Variants in CLASP1 observed in about 807,000 individuals in gnomAD.
CLASP1 encodes the protein cytoplasmic linker associated protein 1.
CLASP1 carries 38 observed loss-of-function variants against 192.3 expected under a neutral mutation model. The ratio of observed to expected loss-of-function variants is 0.20; its 90% CI spans 0.15 to 0.26. The LOEUF (loss-of-function observed/expected upper bound fraction) is 0.26, where lower values mean the gene tolerates loss of function less well. Among genes scored for constraint, CLASP1 ranks in the 10% least tolerant of loss-of-function variants. The pLI is 1.00. For missense variants in CLASP1, 1,433 were observed against 1,932.5 expected, an observed-to-expected ratio of 0.74 and a Z score of 4.85; for synonymous variants, 691 against 712.8, an observed-to-expected ratio of 0.97 and a Z score of 0.49.
At chr2:121,531,299 A>G (rs2094861901) in intron 2 of CLASP1, among the ~76,000 whole-genome samples, 1 of 152,202 alleles carries the variant, frequency 6.6e-6, no homozygotes, top group African/African-American at 2.4e-5. Flanking sequence ...TGCACCTCAC[A>G]TAAAATGTAA....
intron 15 of CLASP1, among the ~76,000 whole-genome samples, chr2:121,451,272 A>AT (rs1213675085): frequency 6.6e-6 from 1 of 152,228 alleles, no homozygotes; most frequent in African/African-American, 2.4e-5. Flanking sequence ...ACACAAGCTG[A>AT]TTTTTTAAAA....
At chr2:121,624,916 G>A (rs2068035967) in intron 1 of CLASP1, among the ~76,000 whole-genome samples, 1 of 151,986 alleles carries the variant, frequency 6.6e-6, no homozygotes, top group South Asian at 2.1e-4. Context: ...CTTTCTCTTT[G>A]AATCATTGGT....
At chr2:121,610,908 A>G (rs566941698) in intron 1 of CLASP1, among the ~76,000 whole-genome samples, 11 of 125,916 alleles carry the variant, frequency 8.7e-5, no homozygotes, top group African/African-American at 2.9e-4. Context: ...TACAGGAGGA[A>G]GAGGAACTGG....
chr2:121,531,072 T>C (rs1003544139), intron 2 of CLASP1: 38 of 690,632 alleles, frequency 5.5e-5, no homozygotes, highest in Non-Finnish European at 8.5e-5. Flanking sequence ...AACTAGTACT[T>C]TGTGGTTAAA....
At chr2:121,397,152 T>C (rs1321697996) in exon 30 of CLASP1, 1 of 1,613,914 alleles carries the variant, frequency 6.2e-7, no homozygotes, top group Non-Finnish European at 8.5e-7. Flanking sequence ...TTCTCACGTC[T>C]GAACTCTTTG....
At chr2:121,622,063 C>G (rs997700016) in intron 1 of CLASP1, among the ~76,000 whole-genome samples, 1 of 151,516 alleles carries the variant, frequency 6.6e-6, no homozygotes, top group Non-Finnish European at 1.5e-5. Flanking sequence ...GTTGTTCAGG[C>G]TGGTCTCAAA....
intron 19 of CLASP1, among the ~76,000 whole-genome samples, chr2:121,439,615 T>C (rs974999612): frequency 6.6e-6 from 1 of 152,158 alleles, no homozygotes; most frequent in Non-Finnish European, 1.5e-5. Context: ...GTTGTTCAGT[T>C]TCCATATAGT....
intron 11 of CLASP1, 29 bp from the exon 12 acceptor site, chr2:121,460,154 T>G: frequency 1.9e-6 from 3 of 1,578,524 alleles, no homozygotes; most frequent in Non-Finnish European, 2.6e-6. Flanking sequence ...TTCAGAAAAA[T>G]AGAAAACAAT....
chr2:121,383,111 G>C (rs1424663314), intron 32 of CLASP1, among the ~76,000 whole-genome samples: 3 of 152,206 alleles, frequency 2.0e-5, no homozygotes, highest in African/African-American at 4.8e-5. Flanking sequence ...AACAACTGTT[G>C]CAATTCAAAA....
intron 22 of CLASP1, among the ~76,000 whole-genome samples, chr2:121,419,595 T>C (rs1444759067): frequency 6.6e-6 from 1 of 150,758 alleles, no homozygotes; most frequent in African/African-American, 2.4e-5. Context: ...AGTTAATCAT[T>C]CTCATGTTAT....
intron 39 of CLASP1, among the ~76,000 whole-genome samples, chr2:121,344,736 T>C (rs1425969968): frequency 1.3e-5 from 2 of 152,094 alleles, no homozygotes; most frequent in African/African-American, 2.4e-5. Flanking sequence ...GTCAAGGAAA[T>C]TGAGACAGAC....
intron 28 of CLASP1, among the ~76,000 whole-genome samples, chr2:121,399,841 T>C (rs2075880868): frequency 6.6e-6 from 1 of 152,188 alleles, no homozygotes; most frequent in Admixed American, 6.5e-5. Context: ...TCACCTAAAT[T>C]AAGCGACCTA....
At chr2:121,439,008 T>G (rs1488978023) in intron 19 of CLASP1, among the ~76,000 whole-genome samples, 2 of 149,988 alleles carry the variant, frequency 1.3e-5, no homozygotes, top group Non-Finnish European at 1.5e-5. Context: ...CAATTTCAGC[T>G]CCTGTTATTG....
intron 2 of CLASP1, among the ~76,000 whole-genome samples, chr2:121,538,890 A>G (rs2095163597): frequency 6.6e-6 from 1 of 152,188 alleles, no homozygotes; most frequent in South Asian, 2.1e-4. Context: ...TATTCTCATA[A>G]TAAGCCAAAA....
chr2:121,340,695 A>G (rs1573457835), exon 40 of CLASP1: 2 of 596,970 alleles, frequency 3.4e-6, no homozygotes, highest in Admixed American at 3.0e-5. Context: ...TACATTCAAT[A>G]CCAGTAAGAT....
At chr2:121,556,806 A>C (rs576631508) in intron 2 of CLASP1, among the ~76,000 whole-genome samples, 55 of 152,298 alleles carry the variant, frequency 3.6e-4, no homozygotes, top group African/African-American at 1.3e-3. Flanking sequence ...AGAATGAACA[A>C]CTTCTGACAT....
chr2:121,443,222 T>TC (rs906145324), intron 19 of CLASP1, among the ~76,000 whole-genome samples: 60 of 151,264 alleles, frequency 4.0e-4, no homozygotes, highest in African/African-American at 1.4e-3. Context: ...AGAGTTAGTC[T>TC]CCTGGACAAT....
chr2:121,500,051 TTGCAGATGACAAGACTGTATA>T (rs2093680876), intron 8 of CLASP1, among the ~76,000 whole-genome samples: 1 of 152,100 alleles, frequency 6.6e-6, no homozygotes, highest in South Asian at 2.1e-4. Context: ...CTGTTCCTAT[TTGCAGATGACAAGACTGTATA>T]TGTAGAAAAC....
chr2:121,342,369 C>T (rs760829337), intron 39 of CLASP1, among the ~76,000 whole-genome samples: 1 of 152,154 alleles, frequency 6.6e-6, no homozygotes, highest in Non-Finnish European at 1.5e-5. Context: ...CCTCCTGCCT[C>T]GGCCTCCCAA....
Sources: allele counts gnomAD v4.1 joint callset (sites outside exome capture counted in the v4.1 genomes callset), GRCh38; gene constraint gnomAD v4.1.1; transcripts MANE v1.5; gene names NCBI Gene and HGNC (gene_info 2026-07-23, HGNC 2026-07-21).